IFT74: variants seen among roughly 807,000 people sequenced by gnomAD.
IFT74 encodes intraflagellar transport 74.
In IFT74, 92 loss-of-function variants were observed where a neutral mutation model predicts 96.7. That is an observed-to-expected ratio of 0.95 (90% CI 0.80 to 1.13). The LOEUF (loss-of-function observed/expected upper bound fraction) is 1.13, where lower values mean the gene tolerates loss of function less well. Ranked by LOEUF, IFT74 falls within the 50% of genes most tolerant of loss-of-function variation. The pLI is 0.00. For missense variants in IFT74, 811 were observed against 698.2 expected (o/e 1.16, Z -1.82); for synonymous variants, 223 against 213.2 (o/e 1.05, Z -0.40).
intron 6 of IFT74, among the ~76,000 whole-genome samples, chr9:26,987,945 G>A (rs558886057): frequency 6.6e-6 from 1 of 151,626 alleles, no homozygotes; most frequent in African/African-American, 2.4e-5. Context: ...TTTGTTTTTT[G>A]TTGTTGTTGT....
intron 8 of IFT74, chr9:26,997,899 CA>C (rs770120036): frequency 6.2e-7 from 1 of 1,614,130 alleles, no homozygotes; most frequent in South Asian, 1.1e-5. Flanking sequence ...CTTAGAGGCA[CA>C]AATACATCAG....
intron 13 of IFT74, among the ~76,000 whole-genome samples, chr9:27,029,621 G>A (rs1203002350): frequency 2.0e-5 from 3 of 152,242 alleles, no homozygotes; most frequent in East Asian, 3.9e-4. Context: ...GGTGGCACAG[G>A]CCTGTAATCC....
intron 17 of IFT74, 63 bp downstream of exon 17, chr9:27,055,835 A>T: frequency 4.7e-6 from 5 of 1,069,882 alleles, no homozygotes; most frequent in Non-Finnish European, 6.5e-6. Flanking sequence ...ATCAAATGTA[A>T]TATATTTGTG....
chr9:27,008,071 TTG>T (rs1285371569), intron 8 of IFT74, among the ~76,000 whole-genome samples: 1 of 152,256 alleles, frequency 6.6e-6, no homozygotes, highest in Non-Finnish European at 1.5e-5. Flanking sequence ...GTAATGTTTA[TTG>T]TGTTTTTAGA....
chr9:27,036,683 G>GAA, intron 13 of IFT74: 5 of 1,184,668 alleles, frequency 4.2e-6, no homozygotes, highest in South Asian at 5.7e-5. Context: ...TTGCTTCTGT[G>GAA]AAAAAAAAAA....
chr9:27,065,029 T>C lies in IFT74; in HGVS notation c.*2293T>C, dbSNP rs1380247423. Among the ~76,000 whole-genome samples, 1 of 152,166 alleles carries C rather than the reference T, an allele frequency of 6.6e-6. No homozygotes were observed. Among genetic ancestry groups the C allele is most frequent in the Non-Finnish European group, 1.5e-5 (1 of 68,000 alleles). ...ACTCTTAAGTCCTTGACTCTAGAAC[T>C]GAACCAATCTTTACGCAGAAAGAAA... On this transcript the variant is annotated 3_prime_UTR_variant, in exon 20 of 20. Transcript: ENST00000380062.
intron 8 of IFT74, chr9:26,996,464 T>C: frequency 2.6e-6 from 4 of 1,537,308 alleles, no homozygotes; most frequent in Non-Finnish European, 3.5e-6. Flanking sequence ...CTCTGCAGGC[T>C]GTTGGGGTAG....
At chr9:26,957,870 T>C (rs1241560956) in intron 1 of IFT74, among the ~76,000 whole-genome samples, 3 of 151,908 alleles carry the variant, frequency 2.0e-5, no homozygotes, top group Non-Finnish European at 2.9e-5. Flanking sequence ...CTCGGCTCAC[T>C]GCAAGCTCCG....
chr9:26,980,579 A>C lies in IFT74; in HGVS notation c.265A>C (p.Arg89=). The C allele has an allele frequency of 6.2e-7, 1 of 1,604,332 alleles. No individual in the cohort carries two copies. Among genetic ancestry groups the C allele is most frequent in the Non-Finnish European group, 8.5e-7 (1 of 1,171,486 alleles). ...AAAACATTTTTTTTTAGGTCCCCAGAGGCAAATTTTAGACAAATCTTACTA... is the reference window on the plus strand; with the variant it reads ...AAAACATTTTTTTTTAGGTCCCCAGCGGCAAATTTTAGACAAATCTTACTA... ...GMKTGTKGPQ[R]QILDKSYYLG... is the part of the protein sequence containing the mutation. The change falls in exon 4 of 20, where the codon AGG becomes CGG. Residue 89 remains arginine (R), a synonymous_variant. Transcript: ENST00000380062.
At chr9:27,043,821 C>T (rs1819578115) in intron 13 of IFT74, among the ~76,000 whole-genome samples, 1 of 152,144 alleles carries the variant, frequency 6.6e-6, no homozygotes, top group Non-Finnish European at 1.5e-5. Context: ...CACTACTTTC[C>T]ATCCCAATTA....
chr9:26,980,478 A>G lies in IFT74; in HGVS notation c.257-93A>G, dbSNP rs1288503806. On this transcript the variant is annotated intron_variant, in intron 3 of 19. Coordinates refer to ENST00000380062, the MANE Select transcript of IFT74 (RefSeq NM_025103.4). ...TGGGGCATTCATGAAGACTGTCTTG[A>G]GAATTGTGGAGTGTAATTCTGATTG... The G allele has an allele frequency of 2.2e-5, 17 of 788,854 alleles. No individual in the cohort carries two copies. The Admixed American group carries it at 2.9e-4, about 14-fold the overall frequency. The allele number at this position is 788,854 out of a possible 1,614,324, so 48.9% of individuals were successfully genotyped here.
intron 10 of IFT74, among the ~76,000 whole-genome samples, chr9:27,012,197 A>G (rs1367739984): frequency 6.6e-6 from 1 of 152,176 alleles, no homozygotes; most frequent in Non-Finnish European, 1.5e-5. Flanking sequence ...CGCCCTACCT[A>G]GGACATGCAA....
At chr9:27,009,477 G>T (rs1828944944) in intron 9 of IFT74, among the ~76,000 whole-genome samples, 1 of 151,888 alleles carries the variant, frequency 6.6e-6, no homozygotes, top group Non-Finnish European at 1.5e-5. Flanking sequence ...ATAAATATTT[G>T]CATTTATAAA....
At chr9:26,958,032 C>T (rs1826197787) in intron 1 of IFT74, among the ~76,000 whole-genome samples, 1 of 152,050 alleles carries the variant, frequency 6.6e-6, no homozygotes, top group Admixed American at 6.5e-5. Flanking sequence ...GGATTACAGG[C>T]GTGAGCCACC....
intron 2 of IFT74, among the ~76,000 whole-genome samples, chr9:26,969,824 A>T (rs1427592153): frequency 6.6e-6 from 1 of 152,068 alleles, no homozygotes; most frequent in Non-Finnish European, 1.5e-5. Flanking sequence ...GACCCCTTTG[A>T]ACATTTACTT....
intron 12 of IFT74, among the ~76,000 whole-genome samples, chr9:27,020,984 C>T (rs565101576): frequency 4.3e-4 from 65 of 152,266 alleles, no homozygotes; most frequent in African/African-American, 1.5e-3. Context: ...TTTACGTCCT[C>T]ATAGCTTAGC....
intron 2 of IFT74, among the ~76,000 whole-genome samples, chr9:26,966,312 T>A (rs865911271): frequency 6.6e-6 from 1 of 152,112 alleles, no homozygotes; most frequent in Non-Finnish European, 1.5e-5. Flanking sequence ...AGGTTCCCTT[T>A]TCTTTATATA....
chr9:26,962,158 G>A (rs1826395182), intron 2 of IFT74, 71 bp downstream of exon 2: 5 of 1,498,904 alleles, frequency 3.3e-6, no homozygotes, highest in Non-Finnish European at 4.6e-6. Flanking sequence ...AGGAGACTGG[G>A]GCTTCAGTGA....
intron 16 of IFT74, among the ~76,000 whole-genome samples, chr9:27,055,144 CATT>C (rs1354310312): frequency 6.6e-6 from 1 of 152,152 alleles, no homozygotes; most frequent in Non-Finnish European, 1.5e-5. Context: ...TTTGCTAACT[CATT>C]GTTCACAATA....
Sources: allele counts gnomAD v4.1 joint callset (sites outside exome capture counted in the v4.1 genomes callset), GRCh38; gene constraint gnomAD v4.1.1; transcripts MANE v1.5; gene names NCBI Gene and HGNC (gene_info 2026-07-23, HGNC 2026-07-21).